Variants in SLC24A2 observed in about 807,000 individuals in gnomAD.
SLC24A2 encodes the protein solute carrier family 24 member 2, also known as sodium/potassium/calcium exchanger 2.
SLC24A2 carries 36 observed loss-of-function variants against 62.0 expected under a neutral mutation model. The ratio of observed to expected loss-of-function variants is 0.58; its 90% confidence interval spans 0.44 to 0.77. SLC24A2 has a LOEUF of 0.77. Ranked by LOEUF, SLC24A2 falls within the 30% of genes least tolerant of loss-of-function variation. The pLI is 0.00. For missense variants in SLC24A2, 846 were observed against 817.9 expected, an observed-to-expected ratio of 1.03 and a Z score of -0.42; for synonymous variants, 358 against 294.0, an observed-to-expected ratio of 1.22 and a Z score of -2.23.
At chr9:20,036,486 C>G in the SLC24A2 span, among the ~76,000 whole-genome samples, 1 of 152,156 alleles carries the variant, frequency 6.6e-6, no homozygotes, top group East Asian at 1.9e-4. Context: ...ATTATCTTCC[C>G]ATTCCCCCCC....
chr9:20,258,835 G>GTCTA, the SLC24A2 span, among the ~76,000 whole-genome samples: 3 of 127,334 alleles, frequency 2.4e-5, no homozygotes, highest in Non-Finnish European at 3.3e-5. Context: ...CTATCTATCT[G>GTCTA]TCTATCTATC....
intron 5 of SLC24A2, among the ~76,000 whole-genome samples, chr9:19,587,269 C>G (rs1026162572): frequency 2.0e-5 from 3 of 152,078 alleles, no homozygotes; most frequent in African/African-American, 4.8e-5. Flanking sequence ...TTTGAGGAAC[C>G]TATATATTAC....
At chr9:19,810,060 T>TA in the SLC24A2 span, among the ~76,000 whole-genome samples, 1 of 152,122 alleles carries the variant, frequency 6.6e-6, no homozygotes, top group African/African-American at 2.4e-5. Flanking sequence ...TCTTGGGGCA[T>TA]AGAGGCCACA....
At chr9:20,255,213 A>G in the SLC24A2 span, among the ~76,000 whole-genome samples, 4 of 152,158 alleles carry the variant, frequency 2.6e-5, no homozygotes, top group Non-Finnish European at 5.9e-5. Context: ...GAGATGACAA[A>G]TGGTTTCATT....
At chr9:20,117,758 C>T in the SLC24A2 span, among the ~76,000 whole-genome samples, 5 of 152,070 alleles carry the variant, frequency 3.3e-5, no homozygotes, top group South Asian at 6.2e-4. Flanking sequence ...ATAGTAATTG[C>T]TAACATTTAC....
the SLC24A2 span, among the ~76,000 whole-genome samples, chr9:20,144,923 C>G: frequency 6.6e-6 from 1 of 151,870 alleles, no homozygotes; most frequent in Admixed American, 6.6e-5. Flanking sequence ...TTGAAGAGGC[C>G]TCAAGCAATA....
intron 7 of SLC24A2, 31 bp from the exon 8 acceptor site, chr9:19,550,299 A>C (rs1415284147): frequency 1.2e-6 from 2 of 1,612,392 alleles, no homozygotes; most frequent in Non-Finnish European, 8.5e-7. Context: ...AAATTAAACA[A>C]ACAAAAAAAT....
At chr9:20,024,254 T>C in the SLC24A2 span, among the ~76,000 whole-genome samples, 2 of 152,144 alleles carry the variant, frequency 1.3e-5, no homozygotes, top group Admixed American at 6.5e-5. Flanking sequence ...CTTGGGAATG[T>C]GCGGCAGAAA....
rs182516784 is a variant in SLC24A2, at chr9:19,734,459, C to A, written c.930+51478G>T. Reference sequence around the variant, plus strand: ...TAGCTTGATGGGGATGGCATTGAATCTATAAATTACCTTGGGCAGTATGGC... The same window carrying A: ...TAGCTTGATGGGGATGGCATTGAATATATAAATTACCTTGGGCAGTATGGC... On this transcript the variant is annotated intron_variant, in intron 2 of 10. Coordinates refer to ENST00000341998, the MANE Select transcript of SLC24A2 (RefSeq NM_020344.4). 4.0e-3 allele frequency among the ~76,000 whole-genome samples: 611 copies of A among 152,256 alleles called. 3 individuals carry two copies. Among genetic ancestry groups the A allele is most frequent in the Admixed American group, 6.7e-3 (102 of 15,296 alleles).
the SLC24A2 span, among the ~76,000 whole-genome samples, chr9:20,259,246 G>A: frequency 1.3e-5 from 2 of 152,152 alleles, no homozygotes; most frequent in African/African-American, 4.8e-5. Flanking sequence ...TTAGATTTCT[G>A]ACTTCCAGAA....
the SLC24A2 span, among the ~76,000 whole-genome samples, chr9:20,088,670 C>A: frequency 2.1e-3 from 319 of 152,170 alleles, 2 homozygotes; most frequent in Non-Finnish European, 2.6e-3. Flanking sequence ...TTGGAGCAGA[C>A]CCCCCCAAAG....
chr9:20,179,110 A>T, the SLC24A2 span, among the ~76,000 whole-genome samples: 1 of 152,128 alleles, frequency 6.6e-6, no homozygotes, highest in African/African-American at 2.4e-5. Context: ...AGGTTTCCTA[A>T]TATCTCAATT....
the SLC24A2 span, among the ~76,000 whole-genome samples, chr9:20,249,230 G>C: frequency 1.3e-5 from 2 of 152,142 alleles, no homozygotes; most frequent in African/African-American, 2.4e-5. Context: ...TTGACCTTTA[G>C]TACAATGCCT....
the SLC24A2 span, among the ~76,000 whole-genome samples, chr9:19,881,219 C>T: frequency 1.6e-3 from 242 of 152,084 alleles, no homozygotes; most frequent in Non-Finnish European, 2.7e-3. Context: ...GACTGAGACC[C>T]GAGATCCTCC....
chr9:20,232,697 C>A, the SLC24A2 span, among the ~76,000 whole-genome samples: 7 of 152,228 alleles, frequency 4.6e-5, no homozygotes, highest in South Asian at 8.3e-4. Context: ...CTCCTGGATT[C>A]GTTAATTTTT....
rs544658440 is a variant in SLC24A2, at chr9:19,606,359, A to C, written c.1079-9080T>G. Among the ~76,000 whole-genome samples, 10 of 152,364 alleles carry C rather than the reference A, an allele frequency of 6.6e-5. No homozygotes were observed. In the South Asian group the frequency reaches 2.1e-3, roughly 32 times the overall value. ...ATGGTCTCAGGGCCTTAGAGTAGAA[A>C]GCAAAGCTACATTCACTATTGGTGT... On this transcript the variant is annotated intron_variant, in intron 4 of 10. Transcript: ENST00000341998.
chr9:20,221,096 C>CA, the SLC24A2 span, among the ~76,000 whole-genome samples: 1 of 152,036 alleles, frequency 6.6e-6, no homozygotes, highest in African/African-American at 2.4e-5. Context: ...GGAAGAGAGA[C>CA]AGTGAACATA....
chr9:19,700,257 T>C (rs1286417483), intron 2 of SLC24A2, among the ~76,000 whole-genome samples: 1 of 152,154 alleles, frequency 6.6e-6, no homozygotes, highest in East Asian at 1.9e-4. Context: ...GAGATATTAC[T>C]GGCTTCTTCA....
the SLC24A2 span, among the ~76,000 whole-genome samples, chr9:20,095,699 G>A: frequency 0.012 from 1,775 of 151,764 alleles, 42 homozygotes; most frequent in African/African-American, 0.041. Flanking sequence ...ATCTATCTAT[G>A]GTATCTGTAT....
Sources: gnomAD v4.1 joint callset for allele counts (sites outside exome capture counted in the v4.1 genomes callset) on GRCh38, gnomAD v4.1.1 for gene constraint, MANE v1.5 for transcripts, NCBI Gene and HGNC (gene_info 2026-07-23, HGNC 2026-07-21) for gene names.